The following NLGN1 variants were observed in gnomAD, a reference collection of about 807,000 sequenced individuals.
NLGN1 encodes the protein neuroligin-1.
In NLGN1, 12 loss-of-function variants were observed where a neutral mutation model predicts 65.5. That is an observed-to-expected ratio of 0.18 (90% CI 0.12 to 0.30). NLGN1 has a LOEUF of 0.30. Among genes scored for constraint, NLGN1 ranks in the 10% least tolerant of loss-of-function variants. The probability of loss-of-function intolerance (pLI) is 1.00; values close to 1 mark genes in which losing one functional copy is unlikely to be tolerated. For missense variants in NLGN1, 750 were observed against 1,007.1 expected, an observed-to-expected ratio of 0.74 and a Z score of 3.46; for synonymous variants, 350 against 359.5, an observed-to-expected ratio of 0.97 and a Z score of 0.30.
rs1768690019 is a variant in NLGN1, at chr3:173,709,945, T to TA, written c.494-97735_494-97734insA. Among the ~76,000 whole-genome samples, 12 of 152,216 alleles carry TA rather than the reference T, an allele frequency of 7.9e-5. No homozygotes were observed. In the South Asian group the frequency reaches 2.5e-3, roughly 32 times the overall value. On this transcript the variant is annotated intron_variant, in intron 3 of 6. Coordinates refer to ENST00000457714, the Ensembl canonical transcript of NLGN1. ...CAGTACTTTTGTAATATTTGTTAAA[T>TA]TAAGGCTATAAAATAGTCTTTAAAG...
At chr3:173,602,280 A>G (rs554103334) in intron 2 of NLGN1, among the ~76,000 whole-genome samples, 39 of 152,176 alleles carry the variant, frequency 2.6e-4, no homozygotes, top group African/African-American at 9.4e-4. Flanking sequence ...GTTTAGGCAT[A>G]TATTTTTTTA....
At chr3:173,901,573 C>T (rs1480382574) in intron 4 of NLGN1, among the ~76,000 whole-genome samples, 2 of 151,806 alleles carry the variant, frequency 1.3e-5, no homozygotes, top group East Asian at 3.9e-4. Context: ...ATGTATGATC[C>T]TTATTTCTAA....
chr3:173,680,236 C>T (rs1161958429), intron 3 of NLGN1, among the ~76,000 whole-genome samples: 1 of 152,030 alleles, frequency 6.6e-6, no homozygotes, highest in Non-Finnish European at 1.5e-5. Flanking sequence ...AGATGCTGAG[C>T]TTTGTGCTAA....
At chr3:173,845,606 G>GGATAGATA (rs10546469) in intron 4 of NLGN1, among the ~76,000 whole-genome samples, 6,586 of 146,992 alleles carry the variant, frequency 0.045, 140 homozygotes, top group East Asian at 0.066. Context: ...GTAGGTGGAT[G>GGATAGATA]GATAGATAGA....
At chr3:173,855,948 T>C (rs906428896) in intron 4 of NLGN1, among the ~76,000 whole-genome samples, 1 of 152,158 alleles carries the variant, frequency 6.6e-6, no homozygotes, top group Non-Finnish European at 1.5e-5. Flanking sequence ...CTCTAGCTGC[T>C]TTGTGATGAA....
chr3:174,279,246 T>C lies in NLGN1; in HGVS notation c.1245T>C (p.Val415=). 6.2e-7 allele frequency: 1 copy of C among 1,613,374 alleles called. No individual in the cohort carries two copies. The highest frequency in any genetic ancestry group is 1.7e-5 in the Admixed American group (1 of 59,906). ...CAGCTAGTGATTTTGACTTTGCTGT[T>C]TCAAATTTTGTTGATAATTTATATG... The change falls in exon 6 of 7, where the codon GTT becomes GTC. Residue 415 remains valine (V), a synonymous_variant. Coordinates refer to ENST00000457714, the Ensembl canonical transcript of NLGN1. This position sits in a 1 kb window ranked among gnomAD's most constrained non-coding sequence, Gnocchi z 4.7.
At chr3:173,512,485 A>T (rs1405274284) in intron 2 of NLGN1, among the ~76,000 whole-genome samples, 4 of 152,168 alleles carry the variant, frequency 2.6e-5, no homozygotes, top group African/African-American at 9.7e-5. Flanking sequence ...TCTCTCTGAC[A>T]TCCAGGTGCT....
At chr3:173,961,412 T>C (rs1713536458) in intron 4 of NLGN1, among the ~76,000 whole-genome samples, 1 of 152,186 alleles carries the variant, frequency 6.6e-6, no homozygotes, top group South Asian at 2.1e-4. Flanking sequence ...CAATGTATTA[T>C]AATTTGATTC....
At chr3:173,798,927 C>A (rs1714775229) in intron 3 of NLGN1, among the ~76,000 whole-genome samples, 1 of 151,802 alleles carries the variant, frequency 6.6e-6, no homozygotes, top group Non-Finnish European at 1.5e-5. Context: ...TTGTGTTTTT[C>A]ATTCTTTGAG....
At chr3:173,433,275 G>A (rs1003380258) in intron 1 of NLGN1, among the ~76,000 whole-genome samples, 4 of 152,108 alleles carry the variant, frequency 2.6e-5, no homozygotes, top group African/African-American at 9.7e-5. Context: ...CATCCTGTTT[G>A]GGGTTGAACA....
intron 3 of NLGN1, among the ~76,000 whole-genome samples, chr3:173,761,012 A>G (rs1360868630): frequency 1.3e-5 from 2 of 152,118 alleles, no homozygotes; most frequent in South Asian, 2.1e-4. Context: ...TTTTAGAGAA[A>G]CTGATTGTGG....
chr3:174,215,306 A>C (rs777904485), intron 4 of NLGN1, among the ~76,000 whole-genome samples: 1 of 152,176 alleles, frequency 6.6e-6, no homozygotes, highest in Non-Finnish European at 1.5e-5. Context: ...TCAAGACATA[A>C]ATTGAGAACT....
intron 5 of NLGN1, among the ~76,000 whole-genome samples, chr3:174,278,530 A>ATGAT (rs1446919388): frequency 6.6e-6 from 1 of 151,924 alleles, no homozygotes; most frequent in Non-Finnish European, 1.5e-5. Flanking sequence ...GTTAATGTTG[A>ATGAT]TGATAATATA....
At chr3:173,438,416 A>G (rs1320856268) in intron 2 of NLGN1, among the ~76,000 whole-genome samples, 2 of 152,130 alleles carry the variant, frequency 1.3e-5, no homozygotes, top group Non-Finnish European at 2.9e-5. Context: ...GGCAGAAATG[A>G]AGGAAATAAC....
chr3:173,632,223 G>A (rs1755801987), intron 3 of NLGN1, among the ~76,000 whole-genome samples: 1 of 152,090 alleles, frequency 6.6e-6, no homozygotes, highest in African/African-American at 2.4e-5. Flanking sequence ...GTTGGAAATG[G>A]GTTTAGTATG....
Position 173,405,994 on chromosome 3 carries a change from G to A in NLGN1, c.-390+7507G>A, listed in dbSNP as rs571796870. The stretch of plus-strand genomic sequence containing the variant: ...ATAATAGTGGAGGGATGTACTGTAA[G>A]CTGGTAAGCTTAAAATATATAACAT... On this transcript the variant is annotated intron_variant, in intron 1 of 6. Transcript: ENST00000457714. Among the ~76,000 whole-genome samples the A allele has an allele frequency of 4.6e-5, 7 of 152,166 alleles. No individual in the cohort carries two copies. The South Asian group carries it at 1.2e-3, about 27-fold the overall frequency.
chr3:173,756,263 A>C (rs1777102232), intron 3 of NLGN1, among the ~76,000 whole-genome samples: 1 of 152,028 alleles, frequency 6.6e-6, no homozygotes, highest in Non-Finnish European at 1.5e-5. Flanking sequence ...TCAAAGTATA[A>C]ATTTTTAAAA....
At chr3:174,073,254 C>A (rs1006069151) in intron 4 of NLGN1, among the ~76,000 whole-genome samples, 2 of 151,716 alleles carry the variant, frequency 1.3e-5, no homozygotes, top group African/African-American at 4.8e-5. Context: ...TCTTTTAGAA[C>A]ATTATTCCAT....
At chr3:173,611,428 A>G (rs915618755) in intron 3 of NLGN1, among the ~76,000 whole-genome samples, 13 of 152,092 alleles carry the variant, frequency 8.5e-5, no homozygotes, top group Non-Finnish European at 1.9e-4. Context: ...CAAAGCAACA[A>G]TAAAAATCAT....
Sources: gnomAD v4.1 joint callset for allele counts (sites outside exome capture counted in the v4.1 genomes callset) on GRCh38, gnomAD v4.1.1 for gene constraint, Gnocchi (gnomAD v3.1) non-coding constraint, MANE v1.5 for transcripts, NCBI Gene and HGNC (gene_info 2026-07-23, HGNC 2026-07-21) for gene names.